LCN10: variants seen among roughly 807,000 people sequenced by gnomAD.
LCN10 encodes the protein lipocalin 10, also known as epididymal-specific lipocalin-10.
Under a neutral mutation model 25.1 loss-of-function variants are expected in LCN10, and 18 were observed. The observed-to-expected ratio is 0.72, with a 90% CI of 0.50 to 1.06. The LOEUF (loss-of-function observed/expected upper bound fraction) is 1.06. Among genes scored for constraint, LCN10 ranks in the 50% least tolerant of loss-of-function variants. LCN10 has a pLI of 0.00. For synonymous variants in LCN10, 130 were observed against 116.7 expected (o/e 1.11, Z -0.73); for missense variants, 257 against 258.9 (o/e 0.99, Z 0.05).
intron 3 of LCN10, 33 bp downstream of exon 3, chr9:136,741,219 G>T: frequency 6.3e-7 from 1 of 1,579,854 alleles, no homozygotes; most frequent in Non-Finnish European, 8.7e-7. Context: ...GGCATATCAC[G>T]CAGCTCCTCC....
intron 3 of LCN10, 152 bp from the exon 4 acceptor site, chr9:136,741,095 G>T: frequency 1.0e-6 from 1 of 978,472 alleles, no homozygotes; most frequent in South Asian, 1.5e-5. Flanking sequence ...CTCCCCTCCC[G>T]GGCCAGGCCG....
In LCN10 at chr9:136,741,272, G is replaced by T; in HGVS notation, c.347C>A (p.Pro116Gln). ...CACACCTCCCTCCTGTCCTTCCCTC[G>T]GGCCCGCCGCGTATGCACAGGCGTT... ...FGNACAYAAG[P>Q]REGQEGVKGV... is the part of the protein sequence containing the mutation. Residue 116 changes from proline (P) to glutamine (Q), a missense_variant, in exon 3 of 6, where the codon CCG becomes CAG. By Grantham distance (76) the Pro-to-Gln change is moderately conservative. Transcript: ENST00000497771. The T allele has an allele frequency of 6.2e-7, 1 of 1,613,462 alleles. No individual in the cohort carries two copies.
chr9:136,739,584 C>T lies in LCN10; in HGVS notation c.575-31G>A. ...GGAGAGGAAAACAGCCACATGTGGG[C>T]TGGCTGCTTGGAGGAGACACATGAG... On this transcript the variant is annotated intron_variant, in intron 5 of 5. Transcript: ENST00000497771. The surrounding 1 kb of genome is among the most constrained non-coding windows in gnomAD (Gnocchi z 6.1). The T allele has an allele frequency of 6.3e-7, 1 of 1,587,892 alleles. No individual in the cohort carries two copies. The highest frequency in any genetic ancestry group is 8.6e-7 in the Non-Finnish European group (1 of 1,167,648).
intron 3 of LCN10, 80 bp from the exon 4 acceptor site, chr9:136,741,023 C>T (rs1318787068): frequency 6.1e-6 from 8 of 1,310,622 alleles, no homozygotes; most frequent in South Asian, 2.5e-5. Context: ...CCCTGGTGCC[C>T]GAGGCCTCAG....
In LCN10 at chr9:136,740,049, C is replaced by A. The variant is rs1248821546; in HGVS notation, c.476-1G>T. 2 of 1,560,036 alleles carry A rather than the reference C, an allele frequency of 1.3e-6. No homozygotes were observed. Among genetic ancestry groups the A allele is most frequent in the Non-Finnish European group, 1.7e-6 (2 of 1,149,540 alleles). On this transcript the variant is annotated splice_acceptor_variant, in intron 4 of 5. Transcript: ENST00000497771. LOFTEE classifies it high-confidence loss of function. The surrounding 1 kb of genome is among the most constrained non-coding windows in gnomAD (Gnocchi z 5.3). ...TGGAAGCTCGAAACATTCTGCCTATCTGAGGTTGAGATCAGGATCACATCA... is the reference window on the plus strand; with the variant it reads ...TGGAAGCTCGAAACATTCTGCCTATATGAGGTTGAGATCAGGATCACATCA...
rs773791363 is a variant in LCN10, at chr9:136,740,861, T to C, written c.450A>G (p.Gln150=). The C allele has an allele frequency of 1.2e-6, 2 of 1,613,418 alleles. No individual in the cohort carries two copies. Among genetic ancestry groups the C allele is most frequent in the Non-Finnish European group, 1.7e-6 (2 of 1,179,788 alleles). ...LVYLRLGRAT[Q]NYKNLLLFHR... ...GGAAGAGCAGCAGGTTCTTGTAGTT[T>C]TGGGTTGCACGCCCCAGGCGGAGGT... Residue 150 remains glutamine (Q), a synonymous_variant, in exon 4 of 6, where the codon CAA becomes CAG. Transcript: ENST00000497771. The surrounding 1 kb of genome is among the most constrained non-coding windows in gnomAD (Gnocchi z 5.3).
chr9:136,742,592 G>C, intron 1 of LCN10, 195 bp downstream of exon 1: 5 of 633,022 alleles, frequency 7.9e-6, no homozygotes, highest in Non-Finnish European at 1.3e-5. Flanking sequence ...GAACCCCCTC[G>C]AGGCTCCCTG....
At chr9:136,742,511 TCTCCCGAC>T in intron 1 of LCN10, 4 of 530,264 alleles carry the variant, frequency 7.5e-6, no homozygotes, top group Non-Finnish European at 1.3e-5. Flanking sequence ...ACTCTGGGCG[TCTCCCGAC>T]CTCCTCGGCC....
intron 3 of LCN10, 65 bp from the exon 4 acceptor site, chr9:136,741,008 C>T (rs755106608): frequency 7.1e-7 from 1 of 1,416,904 alleles, no homozygotes; most frequent in South Asian, 1.2e-5. Context: ...GCCCACAGCC[C>T]TGACCCCTGG....
intron 1 of LCN10, chr9:136,742,337 G>A: frequency 2.4e-6 from 1 of 423,628 alleles, no homozygotes. Context: ...GTACTGCTCG[G>A]CCACTTCCCT....
rs370596359 is a variant in LCN10 at position 136,742,035 on chromosome 9, T to C, written c.118-15A>G. On this transcript the variant is annotated splice_polypyrimidine_tract_variant and intron_variant, in intron 1 of 5. Transcript: ENST00000497771. ...AACCCTGAAAACTGCGCAGCGGATGTGTGGGCGGGGACAGGAGCTGCCACC... is the reference window on the plus strand; with the variant it reads ...AACCCTGAAAACTGCGCAGCGGATGCGTGGGCGGGGACAGGAGCTGCCACC... 6.2e-7 allele frequency: 1 copy of C among 1,612,116 alleles called. No homozygotes were observed. The highest frequency in any genetic ancestry group is 8.5e-7 in the Non-Finnish European group (1 of 1,179,568).
At position 136,740,148 on chromosome 9, in the gene LCN10, C is replaced by T; in HGVS notation, c.476-100G>A. On this transcript the variant is annotated intron_variant, in intron 4 of 5. Coordinates refer to ENST00000497771, the MANE Select transcript of LCN10 (RefSeq NM_001001712.3). The surrounding 1 kb of genome is among the most constrained non-coding windows in gnomAD (Gnocchi z 5.3). Reference sequence around the variant, plus strand: ...CTACCCCAGGAGCTGCTGAAATGTCCTCAGAGCTTAGGCGTGAAGCAGGGG... The same window carrying T: ...CTACCCCAGGAGCTGCTGAAATGTCTTCAGAGCTTAGGCGTGAAGCAGGGG... 1 of 842,280 alleles carries T rather than the reference C, an allele frequency of 1.2e-6. No homozygotes were observed. Among genetic ancestry groups the T allele is most frequent in the Non-Finnish European group, 2.0e-6 (1 of 503,270 alleles). 52.2% of individuals were successfully genotyped at this position (842,280 alleles called of 1,614,324 possible). A position where few individuals can be genotyped will look rare whatever the true frequency, so the allele number is the denominator to read the frequency against.
Position 136,739,894 on chromosome 9 carries a change from C to T in LCN10, c.574+56G>A, listed in dbSNP as rs1161779722. On this transcript the variant is annotated intron_variant, in intron 5 of 5. Coordinates refer to ENST00000497771, the MANE Select transcript of LCN10 (RefSeq NM_001001712.3). The surrounding 1 kb of genome is among the most constrained non-coding windows in gnomAD (Gnocchi z 6.1). ...TCTCCTTCCCCCAATGAATCAGCTC[C>T]CCAATGGGACGGGCAGGTAGGGCCA... 9.1e-6 allele frequency: 12 copies of T among 1,324,108 alleles called. 1 individual carries two copies. Among genetic ancestry groups the T allele is most frequent in the Non-Finnish European group, 1.3e-5 (12 of 938,606 alleles). The allele number at this position is 1,324,108 out of a possible 1,614,324, so 82.0% of individuals were successfully genotyped here. A position where few individuals can be genotyped will look rare whatever the true frequency, so the allele number is the denominator to read the frequency against.
Position 136,739,411 on chromosome 9 carries a change from T to A in LCN10, c.*114A>T, listed in dbSNP as rs1846884863. ...CTTGATTTTCACACTGTCAATGACC[T>A]AGAGTCACCAAACACCTCTCAACAA... On this transcript the variant is annotated 3_prime_UTR_variant, in exon 6 of 6. Coordinates refer to ENST00000497771, the MANE Select transcript of LCN10 (RefSeq NM_001001712.3). This position sits in a 1 kb window ranked among gnomAD's most constrained non-coding sequence, Gnocchi z 6.1. 2 of 1,102,960 alleles carry A rather than the reference T, an allele frequency of 1.8e-6. No homozygotes were observed. The highest frequency in any genetic ancestry group is 2.7e-6 in the Non-Finnish European group (2 of 742,408). The allele number at this position is 1,102,960 out of a possible 1,614,324, so 68.3% of individuals were successfully genotyped here. A position where few individuals can be genotyped will look rare whatever the true frequency, so the allele number is the denominator to read the frequency against.
chr9:136,740,742 C>T lies in LCN10; in HGVS notation c.475+94G>A, dbSNP rs1846913410. 1 of 974,292 alleles carries T rather than the reference C, an allele frequency of 1.0e-6. No individual in the cohort carries two copies. Among genetic ancestry groups the T allele is most frequent in the Non-Finnish European group, 1.5e-6 (1 of 660,820 alleles). 60.4% of individuals were successfully genotyped at this position (974,292 alleles called of 1,614,324 possible). ...CCCAACCCCCACTCTCCCTGCCCGC[C>T]TCACCTCCTGCCCGGCCCCCTGTGC... On this transcript the variant is annotated intron_variant, in intron 4 of 5. Coordinates refer to ENST00000497771, the MANE Select transcript of LCN10 (RefSeq NM_001001712.3). The surrounding 1 kb of genome is among the most constrained non-coding windows in gnomAD (Gnocchi z 5.3).
intron 1 of LCN10, 80 bp from the exon 2 acceptor site, chr9:136,742,100 C>T: frequency 6.4e-7 from 1 of 1,555,534 alleles, no homozygotes. Context: ...GCTAGAGAAC[C>T]CAGGAGACAA....
intron 1 of LCN10, chr9:136,742,298 T>G: frequency 2.1e-6 from 1 of 480,532 alleles, no homozygotes; most frequent in Non-Finnish European, 3.7e-6. Context: ...AGGCCCCGGC[T>G]CCTTCCCACA....
Position 136,740,877 on chromosome 9 carries a change from A to G in LCN10, c.434T>C (p.Leu145Pro). ...DYSYGLVYLR[L>P]GRATQNYKNL... ...CTTGTAGTTTTGGGTTGCACGCCCC[A>G]GGCGGAGGTAGACCAAGCCGTAGCT... The change falls in exon 4 of 6, where the codon CTG (leucine) becomes CCG (proline). Residue 145 changes from leucine (L) to proline (P), a missense_variant. Coordinates refer to ENST00000497771, the MANE Select transcript of LCN10 (RefSeq NM_001001712.3). The surrounding 1 kb of genome is among the most constrained non-coding windows in gnomAD (Gnocchi z 5.3). 1 of 1,613,632 alleles carries G rather than the reference A, an allele frequency of 6.2e-7. No individual in the cohort carries two copies. Among genetic ancestry groups the G allele is most frequent in the South Asian group, 1.1e-5 (1 of 91,084 alleles).
chr9:136,740,113 A>AC lies in LCN10; in HGVS notation c.476-66dup. 1 of 1,075,886 alleles carries AC rather than the reference A, an allele frequency of 9.3e-7. No individual in the cohort carries two copies. Among genetic ancestry groups the AC allele is most frequent in the Non-Finnish European group, 1.4e-6 (1 of 713,460 alleles). 66.6% of individuals were successfully genotyped at this position (1,075,886 alleles called of 1,614,324 possible). ...TGGCCATTTTAGGGTCTGCACCCTG[A>AC]CCCCCATCCCTACCCCAGGAGCTGC... On this transcript the variant is annotated intron_variant, in intron 4 of 5. Coordinates refer to ENST00000497771, the MANE Select transcript of LCN10 (RefSeq NM_001001712.3). The surrounding 1 kb of genome is among the most constrained non-coding windows in gnomAD (Gnocchi z 5.3).
Sources: gnomAD v4.1 joint callset for allele counts on GRCh38, gnomAD v4.1.1 for gene constraint, Gnocchi (gnomAD v3.1) non-coding constraint, MANE v1.5 for transcripts, NCBI Gene and HGNC (gene_info 2026-07-23, HGNC 2026-07-21) for gene names.